The following DLGAP2 variants were observed in gnomAD, a reference collection of about 807,000 sequenced individuals.
The protein encoded by DLGAP2 is disks large-associated protein 2.
DLGAP2 carries 26 observed loss-of-function variants against 100.3 expected under a neutral mutation model. The observed-to-expected ratio is 0.26, with a 90% CI of 0.19 to 0.36. The LOEUF (loss-of-function observed/expected upper bound fraction) is 0.36, where lower values mean the gene tolerates loss of function less well. Among genes scored for constraint, DLGAP2 ranks in the 10% least tolerant of loss-of-function variants. DLGAP2 has a pLI of 1.00. For synonymous variants in DLGAP2, 886 were observed against 630.1 expected (o/e 1.41, Z -6.08); for missense variants, 1,858 against 1,453.2 (o/e 1.28, Z -4.53).
At chr8:838,386 A>G (rs1245161064) in intron 1 of DLGAP2, among the ~76,000 whole-genome samples, 1 of 151,776 alleles carries the variant, frequency 6.6e-6, no homozygotes, top group Non-Finnish European at 1.5e-5. Context: ...TGGCATCAGT[A>G]TTTTATTTTT....
intron 6 of DLGAP2, among the ~76,000 whole-genome samples, chr8:1,579,275 T>G (rs770324117): frequency 2.6e-5 from 4 of 152,146 alleles, no homozygotes; most frequent in Non-Finnish European, 4.4e-5. Flanking sequence ...AGATAAATTC[T>G]GATGGATTAA....
chr8:823,123 T>C (rs1796617353), intron 1 of DLGAP2, among the ~76,000 whole-genome samples: 1 of 152,126 alleles, frequency 6.6e-6, no homozygotes, highest in South Asian at 2.1e-4. Context: ...ACGTCTCACT[T>C]GGTGGCAGCT....
chr8:1,416,891 A>G (rs1244678595), intron 3 of DLGAP2, among the ~76,000 whole-genome samples: 2 of 152,130 alleles, frequency 1.3e-5, no homozygotes, highest in African/African-American at 2.4e-5. Context: ...TTCGTGTGAA[A>G]GCTTCTCAGA....
intron 1 of DLGAP2, among the ~76,000 whole-genome samples, chr8:841,483 A>T (rs1250781915): frequency 6.6e-6 from 1 of 152,200 alleles, no homozygotes; most frequent in Non-Finnish European, 1.5e-5. Context: ...TGAAACTGGC[A>T]TTTCAAGAAC....
intron 2 of DLGAP2, among the ~76,000 whole-genome samples, chr8:1,208,100 A>T (rs4639547): frequency 1.3e-5 from 2 of 152,028 alleles, no homozygotes; most frequent in Non-Finnish European, 2.9e-5. Flanking sequence ...GCTTTTGTTG[A>T]ATTTGCTTTT....
chr8:781,602 G>T (rs1821689017), intron 1 of DLGAP2, among the ~76,000 whole-genome samples: 1 of 152,202 alleles, frequency 6.6e-6, no homozygotes, highest in Non-Finnish European at 1.5e-5. Flanking sequence ...GATTACAGGG[G>T]TGGTGGGGAG....
intron 4 of DLGAP2, among the ~76,000 whole-genome samples, 188 bp from the exon 5 acceptor site, chr8:1,548,438 G>A (rs1231590161): frequency 2.4e-5 from 3 of 123,186 alleles, no homozygotes; most frequent in Non-Finnish European, 4.8e-5. Flanking sequence ...CAGCCTGGGC[G>A]ACAGAGCGAG....
intron 2 of DLGAP2, among the ~76,000 whole-genome samples, chr8:1,020,521 C>T (rs1303332399): frequency 1.1e-4 from 16 of 152,196 alleles, no homozygotes; most frequent in African/African-American, 3.6e-4. Context: ...ATTGAGGTCT[C>T]AGAGATGGTG....
chr8:1,179,416 A>C (rs1346598082), intron 2 of DLGAP2, among the ~76,000 whole-genome samples: 1 of 152,182 alleles, frequency 6.6e-6, no homozygotes, highest in South Asian at 2.1e-4. Flanking sequence ...TTGTGCTGCC[A>C]GCTTTCTGGG....
chr8:742,716 C>T (rs2132558506), intron 1 of DLGAP2, among the ~76,000 whole-genome samples: 1 of 152,098 alleles, frequency 6.6e-6, no homozygotes, highest in South Asian at 2.1e-4. Flanking sequence ...CAGTGTTGCC[C>T]AGGCTGGCCT....
At chr8:1,099,519 C>T (rs1804509574) in intron 2 of DLGAP2, among the ~76,000 whole-genome samples, 1 of 152,244 alleles carries the variant, frequency 6.6e-6, no homozygotes, top group Non-Finnish European at 1.5e-5. Flanking sequence ...GCTACCACAT[C>T]CTCGCAGTGG....
intron 3 of DLGAP2, among the ~76,000 whole-genome samples, chr8:1,430,674 CT>C (rs763016758): frequency 5.3e-5 from 8 of 152,226 alleles, no homozygotes; most frequent in Non-Finnish European, 8.8e-5. Context: ...GCCTTTCATA[CT>C]TTCTTGAAGA....
intron 3 of DLGAP2, among the ~76,000 whole-genome samples, chr8:1,452,927 T>C (rs904421910): frequency 1.3e-5 from 2 of 152,176 alleles, no homozygotes; most frequent in African/African-American, 4.8e-5. Context: ...GCCCCCACCA[T>C]GCAGTGGATC....
chr8:1,419,888 T>C (rs545949721), intron 3 of DLGAP2, among the ~76,000 whole-genome samples: 14 of 152,254 alleles, frequency 9.2e-5, no homozygotes, highest in African/African-American at 3.4e-4. Context: ...AGCTGCACCA[T>C]TCACAATAGC....
At chr8:976,171 C>G (rs1800157464) in intron 2 of DLGAP2, among the ~76,000 whole-genome samples, 1 of 152,146 alleles carries the variant, frequency 6.6e-6, no homozygotes, top group African/African-American at 2.4e-5. Context: ...AGCTACAAAA[C>G]TCTTATAAAA....
intron 2 of DLGAP2, among the ~76,000 whole-genome samples, chr8:1,073,991 A>C (rs35985132): frequency 5.5e-4 from 78 of 141,148 alleles, no homozygotes; most frequent in African/African-American, 1.9e-3. Context: ...GAGTCACTGT[A>C]ACAGAAGGGT....
chr8:1,624,264 A>T (rs1167079524), intron 6 of DLGAP2, among the ~76,000 whole-genome samples: 1 of 152,132 alleles, frequency 6.6e-6, no homozygotes, highest in African/African-American at 2.4e-5. Flanking sequence ...GAGGGTATGA[A>T]ACCAGCAATC....
chr8:983,449 A>C (rs144717510), intron 2 of DLGAP2, among the ~76,000 whole-genome samples: 1 of 137,580 alleles, frequency 7.3e-6, no homozygotes, highest in African/African-American at 2.8e-5. Context: ...ACAGGTCGTC[A>C]AGATGTTCTT....
intron 3 of DLGAP2, among the ~76,000 whole-genome samples, chr8:1,326,920 A>G (rs1436218006): frequency 6.6e-6 from 1 of 152,242 alleles, no homozygotes. Context: ...AAGTGGAAAA[A>G]ACTGTTACAT....
Sources: gnomAD v4.1 joint callset for allele counts (sites outside exome capture counted in the v4.1 genomes callset) on GRCh38, gnomAD v4.1.1 for gene constraint, MANE v1.5 for transcripts, NCBI Gene and HGNC (gene_info 2026-07-23, HGNC 2026-07-21) for gene names.